The following TMPRSS11E variants were observed in gnomAD, a reference collection of about 807,000 sequenced individuals.
TMPRSS11E encodes transmembrane protease serine 11E.
TMPRSS11E carries 38 observed loss-of-function variants against 48.1 expected under a neutral mutation model. The ratio of observed to expected loss-of-function variants is 0.79; its 90% CI spans 0.61 to 1.04. The LOEUF (loss-of-function observed/expected upper bound fraction) is 1.04, where lower values mean the gene tolerates loss of function less well. Among genes scored for constraint, TMPRSS11E ranks in the 50% least tolerant of loss-of-function variants. TMPRSS11E has a pLI of 0.00. For missense variants in TMPRSS11E, 530 were observed against 510.8 expected (o/e 1.04, Z -0.36); for synonymous variants, 158 against 171.9 (o/e 0.92, Z 0.63).
chr4:68,460,918 C>T (rs2603193), intron 1 of TMPRSS11E, among the ~76,000 whole-genome samples: 146,398 of 150,382 alleles, frequency 0.97, 71,397 homozygotes, highest in East Asian at 1. Flanking sequence ...TCTCGCTCTA[C>T]CGCCCAGGCT....
rs996090412 is a variant in TMPRSS11E at position 68,478,622 on chromosome 4, T to A, written c.968-227T>A. ...GGTGCATGCCACCACCCCCGGCTAA[T>A]TTTTGTATTTTTAGTAGAGACAGGA... On this transcript the variant is annotated intron_variant, in intron 8 of 9. Coordinates refer to ENST00000305363, the MANE Select transcript of TMPRSS11E (RefSeq NM_014058.4). Among the ~76,000 whole-genome samples, 13 of 151,264 alleles carry A rather than the reference T, an allele frequency of 8.6e-5. 1 individual carries two copies. In the East Asian group the frequency reaches 2.5e-3, roughly 30 times the overall value.
chr4:68,492,244 A>G (rs1436486294), intron 9 of TMPRSS11E, among the ~76,000 whole-genome samples: 1 of 152,208 alleles, frequency 6.6e-6, no homozygotes. Context: ...TTATTTGCAG[A>G]TTCCATATTT....
At chr4:68,493,615 C>A (rs188139869) in intron 9 of TMPRSS11E, among the ~76,000 whole-genome samples, 2 of 151,978 alleles carry the variant, frequency 1.3e-5, no homozygotes, top group African/African-American at 4.8e-5. Flanking sequence ...TACAGGCAAC[C>A]GCCACCACAC....
rs1167136447 is a variant in TMPRSS11E at position 68,466,648 on chromosome 4, A to C, written c.154A>C (p.Asn52His). Residue 52 changes from asparagine (N) to histidine (H), a missense_variant, in exon 3 of 10, where the codon AAT becomes CAT. Physicochemically the swap from Asn to His is moderately conservative, Grantham distance 68 (BLOSUM62 1). Coordinates refer to ENST00000305363, the MANE Select transcript of TMPRSS11E (RefSeq NM_014058.4). Reference protein sequence around the residue: ...YVRYNQKKTYNYYSTLSFTTD... With the variant: ...YVRYNQKKTYHYYSTLSFTTD... ...CCTTGTAGATCAAAAGAAGACCTACAATTACTATAGCACATTGTCATTTAC... is the reference window on the plus strand; with the variant it reads ...CCTTGTAGATCAAAAGAAGACCTACCATTACTATAGCACATTGTCATTTAC... 2 of 1,612,620 alleles carry C rather than the reference A, an allele frequency of 1.2e-6. No individual in the cohort carries two copies. The highest frequency in any genetic ancestry group is 3.4e-5 in the Admixed American group (2 of 59,610).
chr4:68,480,424 A>C (rs1271567993), intron 9 of TMPRSS11E, among the ~76,000 whole-genome samples: 1 of 152,008 alleles, frequency 6.6e-6, no homozygotes, highest in African/African-American at 2.4e-5. Flanking sequence ...AAGCCCGTCC[A>C]GTGAGTTTTG....
chr4:68,454,951 A>C (rs1728589395), intron 1 of TMPRSS11E, among the ~76,000 whole-genome samples: 1 of 151,970 alleles, frequency 6.6e-6, no homozygotes, highest in African/African-American at 2.4e-5. Context: ...GAAATATTAC[A>C]GTTCTCTTCT....
At chr4:68,473,626 G>A (rs1729134230) in intron 5 of TMPRSS11E, among the ~76,000 whole-genome samples, 1 of 152,048 alleles carries the variant, frequency 6.6e-6, no homozygotes, top group Non-Finnish European at 1.5e-5. Flanking sequence ...TATTAAGAAT[G>A]TCAAGTGAGC....
At chr4:68,452,033 TC>T (rs1728512030) in intron 1 of TMPRSS11E, among the ~76,000 whole-genome samples, 1 of 151,896 alleles carries the variant, frequency 6.6e-6, no homozygotes, top group South Asian at 2.1e-4. Context: ...AAAGTAGACC[TC>T]TAAGGCCAGT....
At chr4:68,467,147 T>C (rs1728949321) in intron 3 of TMPRSS11E, among the ~76,000 whole-genome samples, 1 of 152,120 alleles carries the variant, frequency 6.6e-6, no homozygotes, top group Non-Finnish European at 1.5e-5. Context: ...CATACCTAAA[T>C]AGTCTGTTAG....
At chr4:68,460,831 G>A (rs1384069373) in intron 1 of TMPRSS11E, among the ~76,000 whole-genome samples, 1 of 151,356 alleles carries the variant, frequency 6.6e-6, no homozygotes, top group East Asian at 1.9e-4. Context: ...TATTTTTGAA[G>A]GCAGAACAAA....
intron 2 of TMPRSS11E, among the ~76,000 whole-genome samples, chr4:68,463,509 G>C (rs1366044106): frequency 6.6e-6 from 1 of 152,146 alleles, no homozygotes; most frequent in Non-Finnish European, 1.5e-5. Context: ...CACCATGTTC[G>C]TCAGGCTGGT....
At chr4:68,448,264 A>G (rs1728395193) in intron 1 of TMPRSS11E, among the ~76,000 whole-genome samples, 1 of 151,934 alleles carries the variant, frequency 6.6e-6, no homozygotes, top group African/African-American at 2.4e-5. Context: ...ACAGTTTGAA[A>G]ATGTTAAACT....
intron 4 of TMPRSS11E, among the ~76,000 whole-genome samples, chr4:68,471,233 C>A (rs964997111): frequency 2.6e-5 from 4 of 151,178 alleles, no homozygotes; most frequent in African/African-American, 9.7e-5. Flanking sequence ...CTTTTCTTTT[C>A]TCTTTTCTTT....
At chr4:68,461,743 C>T in intron 1 of TMPRSS11E, 78 bp from the exon 2 acceptor site, 1 of 1,596,776 alleles carries the variant, frequency 6.3e-7, no homozygotes, top group Non-Finnish European at 8.5e-7. Context: ...CCTTTATTCC[C>T]CCAAAATATC....
chr4:68,483,060 A>G (rs1170967614), intron 9 of TMPRSS11E, among the ~76,000 whole-genome samples: 2 of 152,208 alleles, frequency 1.3e-5, no homozygotes, highest in Non-Finnish European at 2.9e-5. Flanking sequence ...CTGTTCTTGC[A>G]TTGCTATTAA....
At chr4:68,452,907 C>T (rs546859007) in intron 1 of TMPRSS11E, among the ~76,000 whole-genome samples, 1 of 152,052 alleles carries the variant, frequency 6.6e-6, no homozygotes, top group Non-Finnish European at 1.5e-5. Flanking sequence ...GGACAACTGG[C>T]AGCTGCCTGA....
At chr4:68,493,184 C>A (rs1183314089) in intron 9 of TMPRSS11E, among the ~76,000 whole-genome samples, 2 of 152,018 alleles carry the variant, frequency 1.3e-5, no homozygotes, top group Non-Finnish European at 2.9e-5. Flanking sequence ...ATGTACTCAT[C>A]ACCTAGTTCA....
At chr4:68,486,459 C>T (rs980200467) in intron 9 of TMPRSS11E, among the ~76,000 whole-genome samples, 11 of 152,056 alleles carry the variant, frequency 7.2e-5, no homozygotes, top group African/African-American at 2.7e-4. Context: ...TTTGAGAGAT[C>T]TTGGTATTGA....
At chr4:68,481,998 G>A (rs999911429) in intron 9 of TMPRSS11E, among the ~76,000 whole-genome samples, 1 of 152,120 alleles carries the variant, frequency 6.6e-6, no homozygotes, top group South Asian at 2.1e-4. Flanking sequence ...ATTAGGTAAT[G>A]TATAAAGAGA....
Sources: gnomAD v4.1 joint callset for allele counts (sites outside exome capture counted in the v4.1 genomes callset) on GRCh38, gnomAD v4.1.1 for gene constraint, MANE v1.5 for transcripts, NCBI Gene and HGNC (gene_info 2026-07-23, HGNC 2026-07-21) for gene names.